ARHGAP26: variants seen among roughly 807,000 people sequenced by gnomAD.
The protein encoded by ARHGAP26 is Rho GTPase activating protein 26.
Under a neutral mutation model 104.8 loss-of-function variants are expected in ARHGAP26, and 38 were observed. That is an observed-to-expected ratio of 0.36 (90% CI 0.28 to 0.48). ARHGAP26 has a LOEUF of 0.48. Ranked by LOEUF, ARHGAP26 falls within the 20% of genes least tolerant of loss-of-function variation. The pLI is 0.99. For synonymous variants in ARHGAP26, 341 were observed against 340.0 expected, an observed-to-expected ratio of 1.00 and a Z score of -0.03; for missense variants, 704 against 947.9, an observed-to-expected ratio of 0.74 and a Z score of 3.38.
chr5:143,178,948 C>T (rs1423185510), intron 20 of ARHGAP26, among the ~76,000 whole-genome samples: 2 of 152,042 alleles, frequency 1.3e-5, no homozygotes, highest in Admixed American at 1.3e-4. Context: ...GGGCTCACTG[C>T]AACTTCCGCC....
rs545956768 is a variant in ARHGAP26, at chr5:142,987,180, G to T, written c.1108-26900G>T. Among the ~76,000 whole-genome samples the T allele has an allele frequency of 2.9e-3, 440 of 152,258 alleles. 2 individuals are homozygous for T. The highest frequency in any genetic ancestry group is 9.5e-3 in the African/African-American group (396 of 41,512). ...TCCTCTTTTATTTCGTTGAGCAGTG[G>T]TTTGTAGTTCTCCTTGAAGAGGTCC... On this transcript the variant is annotated intron_variant, in intron 11 of 22. Transcript: ENST00000645722.
At chr5:143,126,162 TCTA>T (rs1796704122) in intron 18 of ARHGAP26, among the ~76,000 whole-genome samples, 1 of 152,330 alleles carries the variant, frequency 6.6e-6, no homozygotes, top group South Asian at 2.1e-4. Context: ...ATAATTTAAT[TCTA>T]CTGGCATTGG....
chr5:142,980,266 C>T (rs188262889), intron 11 of ARHGAP26, among the ~76,000 whole-genome samples: 2 of 152,276 alleles, frequency 1.3e-5, no homozygotes, highest in Admixed American at 1.3e-4. Flanking sequence ...TTTCGTTGTA[C>T]AGAACATATC....
At chr5:142,793,762 AT>A (rs982176147) in intron 1 of ARHGAP26, among the ~76,000 whole-genome samples, 3 of 151,640 alleles carry the variant, frequency 2.0e-5, no homozygotes, top group Non-Finnish European at 4.4e-5. Context: ...TAATTTTTGT[AT>A]TTTAAGTAGA....
intron 1 of ARHGAP26, among the ~76,000 whole-genome samples, chr5:142,863,867 G>A (rs1753795075): frequency 6.6e-6 from 1 of 152,162 alleles, no homozygotes; most frequent in Admixed American, 6.5e-5. Context: ...CAAAATCTAA[G>A]TCTTGAGGCT....
chr5:142,867,285 C>CA (rs1247498235), intron 1 of ARHGAP26, among the ~76,000 whole-genome samples: 1 of 131,398 alleles, frequency 7.6e-6, no homozygotes. Context: ...AAGATTTGCA[C>CA]AGGGTGTGTG....
intron 20 of ARHGAP26, among the ~76,000 whole-genome samples, chr5:143,189,429 C>G (rs1452726693): frequency 6.6e-6 from 1 of 152,096 alleles, no homozygotes; most frequent in Non-Finnish European, 1.5e-5. Context: ...ACCCACACAC[C>G]CTCCCCACCC....
chr5:143,082,189 A>G (rs978188472), intron 17 of ARHGAP26, among the ~76,000 whole-genome samples: 1 of 152,136 alleles, frequency 6.6e-6, no homozygotes, highest in African/African-American at 2.4e-5. Flanking sequence ...GCATAGTGAT[A>G]ATGCCGTGAT....
At chr5:143,221,166 C>G (rs930976848) in intron 22 of ARHGAP26, among the ~76,000 whole-genome samples, 1 of 152,186 alleles carries the variant, frequency 6.6e-6, no homozygotes, top group African/African-American at 2.4e-5. Context: ...CTATTGACTA[C>G]TGTGCAGACT....
At chr5:143,017,188 C>T (rs540393910) in intron 12 of ARHGAP26, among the ~76,000 whole-genome samples, 1 of 152,302 alleles carries the variant, frequency 6.6e-6, no homozygotes, top group South Asian at 2.1e-4. Flanking sequence ...AACATTTTAT[C>T]AGAGAGCCAG....
intron 17 of ARHGAP26, among the ~76,000 whole-genome samples, chr5:143,066,300 T>C (rs1339884145): frequency 1.3e-5 from 2 of 152,224 alleles, no homozygotes; most frequent in Non-Finnish European, 2.9e-5. Flanking sequence ...ATGCACTCTA[T>C]GATGTTCACA....
At position 143,163,465 on chromosome 5, in the gene ARHGAP26, T is replaced by G. The variant is rs199595309; in HGVS notation, c.1988+16084T>G. ...TGTTTGTTTGTTTGTTTGTTTGTTT[T>G]TTTAAGATGGAGTCTTGCTCTGTTG... On this transcript the variant is annotated intron_variant, in intron 20 of 22. Coordinates refer to ENST00000645722, the MANE Select transcript of ARHGAP26 (RefSeq NM_001135608.3). Among the ~76,000 whole-genome samples, 215 of 135,624 alleles carry G rather than the reference T, an allele frequency of 1.6e-3. 1 individual carries two copies. Among genetic ancestry groups the G allele is most frequent in the Non-Finnish European group, 2.7e-3 (172 of 62,870 alleles). 89.0% of individuals were successfully genotyped at this position (135,624 alleles called of 152,430 possible). A position where few individuals can be genotyped will look rare whatever the true frequency, so the allele number is the denominator to read the frequency against.
intron 11 of ARHGAP26, among the ~76,000 whole-genome samples, chr5:142,960,580 G>A (rs1770062675): frequency 6.6e-6 from 1 of 152,208 alleles, no homozygotes; most frequent in Admixed American, 6.5e-5. Flanking sequence ...GAGGTTTCAG[G>A]CATCTACTGG....
rs553054623 is a variant in ARHGAP26 at position 143,012,803 on chromosome 5, G to A, written c.1108-1277G>A. Among the ~76,000 whole-genome samples, 8 of 150,404 alleles carry A rather than the reference G, an allele frequency of 5.3e-5. No individual in the cohort carries two copies. In the South Asian group the frequency reaches 8.4e-4, roughly 16 times the overall value. On this transcript the variant is annotated intron_variant, in intron 11 of 22. Coordinates refer to ENST00000645722, the MANE Select transcript of ARHGAP26 (RefSeq NM_001135608.3). ...CAAGTAGCTGGGACTACAGGCGCCC[G>A]CCACCATGCCTGGCTAATTTTTTGT... is the stretch of plus-strand genomic sequence containing the variant.
chr5:142,925,228 C>A (rs1216914454), intron 10 of ARHGAP26, among the ~76,000 whole-genome samples: 1 of 152,180 alleles, frequency 6.6e-6, no homozygotes, highest in African/African-American at 2.4e-5. Context: ...GCCCACCTCC[C>A]CCATGAAGAC....
At position 143,222,562 on chromosome 5, in the gene ARHGAP26, C is replaced by G. The variant is rs998304907; in HGVS notation, c.*116C>G. ...AAATGCAGCGTGACTGACTCTGTTG[C>G]TACCTGTCAACATGAATGTTTCTGT... On this transcript the variant is annotated 3_prime_UTR_variant, in exon 23 of 23. Transcript: ENST00000645722. 13 of 732,714 alleles carry G rather than the reference C, an allele frequency of 1.8e-5. No individual in the cohort carries two copies. The highest frequency in any genetic ancestry group is 2.3e-5 in the Non-Finnish European group (11 of 480,680). 45.4% of individuals were successfully genotyped at this position (732,714 alleles called of 1,614,324 possible). A position where few individuals can be genotyped will look rare whatever the true frequency, so the allele number is the denominator to read the frequency against.
chr5:143,062,557 CTG>C (rs2150327758), intron 17 of ARHGAP26, among the ~76,000 whole-genome samples: 1 of 129,542 alleles, frequency 7.7e-6, no homozygotes, highest in African/African-American at 2.9e-5. Context: ...TGACTTGAGT[CTG>C]AGTACTTCCA....
At chr5:143,020,347 T>C (rs1460050006) in intron 12 of ARHGAP26, among the ~76,000 whole-genome samples, 1 of 152,128 alleles carries the variant, frequency 6.6e-6, no homozygotes, top group Non-Finnish European at 1.5e-5. Flanking sequence ...CCTTTAAAGC[T>C]CATGTGATCT....
chr5:142,852,681 G>A (rs534438254), intron 1 of ARHGAP26, among the ~76,000 whole-genome samples: 8 of 152,348 alleles, frequency 5.3e-5, no homozygotes, highest in African/African-American at 1.9e-4. Flanking sequence ...ATTTGGTCGA[G>A]TGTCTTGGAA....
Sources: gnomAD v4.1 joint callset for allele counts (sites outside exome capture counted in the v4.1 genomes callset) on GRCh38, gnomAD v4.1.1 for gene constraint, MANE v1.5 for transcripts, NCBI Gene and HGNC (gene_info 2026-07-23, HGNC 2026-07-21) for gene names.